CFAP70: variants seen among roughly 807,000 people sequenced by gnomAD.
CFAP70 encodes cilia and flagella associated protein 70.
In CFAP70, 81 loss-of-function variants were observed where a neutral mutation model predicts 137.6. The ratio of observed to expected loss-of-function variants is 0.59; its 90% confidence interval spans 0.49 to 0.71. The LOEUF (loss-of-function observed/expected upper bound fraction) is 0.71. Ranked by LOEUF, CFAP70 falls within the 30% of genes least tolerant of loss-of-function variation. CFAP70 has a pLI of 0.00. For synonymous variants in CFAP70, 382 were observed against 423.6 expected (o/e 0.90, Z 1.20); for missense variants, 976 against 1,226.7 (o/e 0.80, Z 3.05).
At chr10:73,324,584 T>C (rs1048068561) in intron 8 of CFAP70, among the ~76,000 whole-genome samples, 1 of 152,046 alleles carries the variant, frequency 6.6e-6, no homozygotes, top group Non-Finnish European at 1.5e-5. Flanking sequence ...GTTAAAAACT[T>C]TGAAAAAAAT....
At chr10:73,274,240 G>T (rs2046528195) in intron 23 of CFAP70, among the ~76,000 whole-genome samples, 193 bp downstream of exon 24, 1 of 152,184 alleles carries the variant, frequency 6.6e-6, no homozygotes, top group Non-Finnish European at 1.5e-5. Flanking sequence ...ACAGACTCTC[G>T]TTTCAGCCTG....
intron 12 of CFAP70, among the ~76,000 whole-genome samples, chr10:73,307,193 GACA>G (rs138578949): frequency 2.9e-4 from 44 of 151,614 alleles, no homozygotes; most frequent in Admixed American, 7.9e-4. Flanking sequence ...TAATTACTAA[GACA>G]ACAACTAAAA....
At chr10:73,278,487 T>G in intron 19 of CFAP70, 150 bp from the exon 21 acceptor site, 1 of 655,516 alleles carries the variant, frequency 1.5e-6, no homozygotes, top group Non-Finnish European at 2.5e-6. Flanking sequence ...GTTTATATTT[T>G]TTAATAATTT....
intron 25 of CFAP70, among the ~76,000 whole-genome samples, chr10:73,260,598 C>G (rs1203176642): frequency 6.6e-6 from 1 of 152,188 alleles, no homozygotes; most frequent in East Asian, 1.9e-4. Flanking sequence ...TAGAAGACTC[C>G]TGTTACTCCA....
At chr10:73,262,816 T>C (rs533903160) in intron 25 of CFAP70, among the ~76,000 whole-genome samples, 1 of 152,058 alleles carries the variant, frequency 6.6e-6, no homozygotes, top group East Asian at 1.9e-4. Context: ...GTTAGAAAAA[T>C]ATAGAAAAGT....
intron 8 of CFAP70, among the ~76,000 whole-genome samples, chr10:73,329,821 C>T (rs1386033777): frequency 6.6e-6 from 1 of 152,110 alleles, no homozygotes; most frequent in Admixed American, 6.6e-5. Context: ...GGTGTTTTAG[C>T]ATAGTTGGCT....
At chr10:73,339,897 CA>C (rs2053087315) in intron 6 of CFAP70, among the ~76,000 whole-genome samples, 1 of 152,178 alleles carries the variant, frequency 6.6e-6, no homozygotes, top group Non-Finnish European at 1.5e-5. Flanking sequence ...CCCTTTTTGT[CA>C]CCCACAATGT....
chr10:73,275,302 C>T lies in CFAP70; in HGVS notation c.2673+144G>A. The stretch of plus-strand genomic sequence containing the variant: ...CCAACTCATGATTACTTAAGAAAAG[C>T]AAATGGAAGGGTATAGAGAGATGAG... On this transcript the variant is annotated intron_variant, in intron 22 of 26. Transcript: ENST00000310715. The surrounding 1 kb of genome is among the most constrained non-coding windows in gnomAD (Gnocchi z 4.0). The T allele has an allele frequency of 1.1e-6, 1 of 876,004 alleles. No individual in the cohort carries two copies. Among genetic ancestry groups the T allele is most frequent in the Non-Finnish European group, 1.6e-6 (1 of 625,138 alleles). 54.3% of individuals were successfully genotyped at this position (876,004 alleles called of 1,614,324 possible). A position where few individuals can be genotyped will look rare whatever the true frequency, so the allele number is the denominator to read the frequency against.
intron 25 of CFAP70, among the ~76,000 whole-genome samples, chr10:73,263,375 G>A (rs1053753897): frequency 1.3e-5 from 2 of 152,088 alleles, no homozygotes; most frequent in Non-Finnish European, 2.9e-5. Flanking sequence ...GAGCCACCAC[G>A]CCCAGCCCAA....
intron 8 of CFAP70, among the ~76,000 whole-genome samples, chr10:73,326,275 T>C (rs1272868990): frequency 3.3e-5 from 5 of 150,112 alleles, no homozygotes; most frequent in African/African-American, 1.2e-4. Flanking sequence ...ATAAAGATGT[T>C]CTTTGAAACC....
chr10:73,271,077 C>T (rs2046270050), intron 24 of CFAP70, among the ~76,000 whole-genome samples: 1 of 152,108 alleles, frequency 6.6e-6, no homozygotes, highest in South Asian at 2.1e-4. Context: ...GGAGGATCAA[C>T]CGAGCCCCGG....
chr10:73,326,757 G>A (rs540988836), intron 8 of CFAP70, among the ~76,000 whole-genome samples: 5 of 152,006 alleles, frequency 3.3e-5, no homozygotes, highest in Admixed American at 6.6e-5. Flanking sequence ...TAAATTCCTC[G>A]ACACATACAC....
rs2053456446 is a variant in CFAP70, at chr10:73,343,539, T to A, written c.399+1526A>T. 2.6e-5 allele frequency among the ~76,000 whole-genome samples: 4 copies of A among 152,030 alleles called. No individual in the cohort carries two copies. The South Asian group carries it at 6.2e-4, about 24-fold the overall frequency. On this transcript the variant is annotated intron_variant, in intron 5 of 26. Coordinates refer to ENST00000310715, the Ensembl canonical transcript of CFAP70. ...GCCTGGCCAACATGGTGAAACCCCC[T>A]CTCTACTAAAATACAAAAAATTAGC... is the stretch of plus-strand genomic sequence containing the variant.
intron 19 of CFAP70, among the ~76,000 whole-genome samples, chr10:73,279,466 G>C (rs947526229): frequency 6.6e-6 from 1 of 151,754 alleles, no homozygotes; most frequent in Non-Finnish European, 1.5e-5. Context: ...AGAGCTTGCA[G>C]TGAGCCCAGA....
At chr10:73,284,175 T>C (rs1049621829) in intron 19 of CFAP70, among the ~76,000 whole-genome samples, 5 of 152,184 alleles carry the variant, frequency 3.3e-5, no homozygotes, top group Admixed American at 6.5e-5. Flanking sequence ...TTTCAGCTTG[T>C]GGAGGCTACC....
chr10:73,271,064 G>A (rs1316031289), intron 24 of CFAP70, among the ~76,000 whole-genome samples: 2 of 152,202 alleles, frequency 1.3e-5, no homozygotes, highest in East Asian at 1.9e-4. Context: ...GGAGGCTGAC[G>A]CAGGAGGATC....
chr10:73,292,019 G>A lies in CFAP70; in HGVS notation c.1771-5C>T. ...CTGGGGCTCACGGACCAATCTCTAA[G>A]CATCAGGAGAGCCAAGGTTATTGTG... is the stretch of plus-strand genomic sequence containing the variant. On this transcript the variant is annotated splice_region_variant and splice_polypyrimidine_tract_variant and intron_variant, in intron 16 of 26. Coordinates refer to ENST00000310715, the Ensembl canonical transcript of CFAP70. 6.2e-7 allele frequency: 1 copy of A among 1,613,806 alleles called. No individual in the cohort carries two copies. The highest frequency in any genetic ancestry group is 8.5e-7 in the Non-Finnish European group (1 of 1,179,886).
At chr10:73,315,170 T>C (rs979973246) in intron 9 of CFAP70, among the ~76,000 whole-genome samples, 1 of 140,708 alleles carries the variant, frequency 7.1e-6, no homozygotes, top group Non-Finnish European at 1.5e-5. Flanking sequence ...TGAGCTATGA[T>C]AGTACCACTG....
chr10:73,265,478 C>G (rs780069669), intron 25 of CFAP70, among the ~76,000 whole-genome samples: 5 of 152,110 alleles, frequency 3.3e-5, no homozygotes, highest in East Asian at 3.8e-4. Context: ...AGATCTTCCT[C>G]ATTATTTTTA....
Sources: allele counts gnomAD v4.1 joint callset (sites outside exome capture counted in the v4.1 genomes callset), GRCh38; gene constraint gnomAD v4.1.1; non-coding constraint Gnocchi (gnomAD v3.1); transcripts MANE v1.5; gene names NCBI Gene and HGNC (gene_info 2026-07-23, HGNC 2026-07-21).